The following BTBD8 variants were observed in gnomAD, a reference collection of about 807,000 sequenced individuals.
BTBD8 encodes the protein BTB domain containing 8, also known as BTB/POZ domain-containing protein 8.
Under a neutral mutation model 162.9 loss-of-function variants are expected in BTBD8, and 110 were observed. The observed-to-expected ratio is 0.68, with a 90% CI of 0.58 to 0.79. BTBD8 has a LOEUF of 0.79. BTBD8 is among the 30% of genes least tolerant of loss of function. The pLI is 0.00. For synonymous variants in BTBD8, 667 were observed against 716.1 expected, an observed-to-expected ratio of 0.93 and a Z score of 1.10; for missense variants, 1,905 against 2,085.4, an observed-to-expected ratio of 0.91 and a Z score of 1.68.
chr1:92,110,575 T>C (rs1648861038), intron 4 of BTBD8, among the ~76,000 whole-genome samples: 1 of 152,202 alleles, frequency 6.6e-6, no homozygotes, highest in African/African-American at 2.4e-5. Context: ...CTGCCTGAAA[T>C]GCTCTCAGTT....
At chr1:92,091,471 A>G (rs952526674) in intron 2 of BTBD8, among the ~76,000 whole-genome samples, 2 of 151,138 alleles carry the variant, frequency 1.3e-5, no homozygotes, top group African/African-American at 4.9e-5. Context: ...GTGTATGTGT[A>G]TGTGTGTGTG....
rs947786121 is a variant in BTBD8, at chr1:92,147,722, G to A, written c.1058G>A (p.Arg353Lys). Residue 353 changes from arginine to lysine, a missense_variant, in exon 9 of 18, where the codon AGA becomes AAA. Arg to Lys is a conservative substitution (Grantham distance 26, BLOSUM62 2). Coordinates refer to ENST00000636805, the MANE Select transcript of BTBD8 (RefSeq NM_001376131.1). ...VKHFARFWSE[R>K]SFANIPPEIQ... ...CATTTTGCAAGGTTTTGGTCTGAGA[G>A]AAGCTTTGCAAATATACCTCCTGAG... The A allele has an allele frequency of 6.2e-7, 1 of 1,613,414 alleles. No individual in the cohort carries two copies. Among genetic ancestry groups the A allele is most frequent in the Non-Finnish European group, 8.5e-7 (1 of 1,179,852 alleles).
intron 3 of BTBD8, among the ~76,000 whole-genome samples, chr1:92,104,131 C>T (rs765229944): frequency 4.2e-4 from 64 of 152,202 alleles, no homozygotes; most frequent in Non-Finnish European, 8.1e-4. Context: ...ATGTTATGCT[C>T]AAATTGTTCC....
At position 92,177,411 on chromosome 1, in the gene BTBD8, A is replaced by C. The variant is rs1309307290; in HGVS notation, c.2218A>C (p.Thr740Pro). 1.3e-6 allele frequency: 2 copies of C among 1,551,748 alleles called. No homozygotes were observed. The highest frequency in any genetic ancestry group is 1.7e-6 in the Non-Finnish European group (2 of 1,147,008). ...TTCAAGTATGGAATTCTCAATTTCC[A>C]CTGAATGTCTGGATGAACCGAAAGA... ...TDSSMEFSIS[T>P]ECLDEPKENG... Residue 740 changes from threonine (T) to proline (P), a missense_variant, in exon 14 of 18, where the codon ACT (threonine) becomes CCT (proline). Physicochemically the swap from Thr to Pro is conservative, Grantham distance 38. Around this residue, in one of 3 missense-constraint regions of BTBD8, gnomAD observed 1,374 missense variants for 1,442.7 expected, o/e 0.95. Coordinates refer to ENST00000636805, the MANE Select transcript of BTBD8 (RefSeq NM_001376131.1).
chr1:92,137,271 T>C (rs573349343), intron 5 of BTBD8, among the ~76,000 whole-genome samples: 1 of 152,288 alleles, frequency 6.6e-6, no homozygotes, highest in Admixed American at 6.5e-5. Flanking sequence ...GGATACTATA[T>C]CGTATATTCA....
intron 4 of BTBD8, among the ~76,000 whole-genome samples, chr1:92,118,512 G>T (rs1649104334): frequency 6.6e-6 from 1 of 151,588 alleles, no homozygotes; most frequent in Admixed American, 6.6e-5. Context: ...TGATGACCTT[G>T]TTTTCATCTG....
rs147407284 is a variant in BTBD8, at chr1:92,146,445, A to G, written c.931-735A>G. ...GGTACCTTTGTTACAACCAATGAGC[A>G]TACAGTTACACATTATCATCCAAAA... On this transcript the variant is annotated intron_variant, in intron 7 of 17. Transcript: ENST00000636805. Among the ~76,000 whole-genome samples the G allele has an allele frequency of 1.8e-3, 268 of 152,358 alleles. 3 individuals are homozygous for G. Among genetic ancestry groups the G allele is most frequent in the African/African-American group, 5.9e-3 (245 of 41,586 alleles).
chr1:92,095,040 G>A (rs1051793997), intron 2 of BTBD8, among the ~76,000 whole-genome samples: 2 of 152,124 alleles, frequency 1.3e-5, no homozygotes, highest in African/African-American at 4.8e-5. Flanking sequence ...TGATGGGGTT[G>A]GGGGAAAAGA....
intron 9 of BTBD8, among the ~76,000 whole-genome samples, chr1:92,149,868 T>C (rs1327137470): frequency 6.6e-6 from 1 of 152,188 alleles, no homozygotes; most frequent in Admixed American, 6.5e-5. Flanking sequence ...CTGGAGGCAG[T>C]AAGACTGACA....
chr1:92,154,098 C>T (rs1200525786), intron 9 of BTBD8, among the ~76,000 whole-genome samples: 10 of 152,262 alleles, frequency 6.6e-5, no homozygotes, highest in Admixed American at 6.5e-4. Flanking sequence ...TGCTCCCTCT[C>T]TCACCATGTG....
chr1:92,120,552 A>G (rs1449619065), intron 4 of BTBD8, among the ~76,000 whole-genome samples: 2 of 152,230 alleles, frequency 1.3e-5, no homozygotes, highest in East Asian at 3.8e-4. Context: ...TACTGTACAT[A>G]ATTGTATATG....
intron 1 of BTBD8, among the ~76,000 whole-genome samples, chr1:92,087,804 G>A (rs918341803): frequency 1.3e-5 from 2 of 152,138 alleles, no homozygotes; most frequent in African/African-American, 4.8e-5. Context: ...CTCCTGTAGT[G>A]TACTGGTATT....
rs532698085 is a variant in BTBD8, at chr1:92,127,480, T to C, written c.663-2207T>C. On this transcript the variant is annotated intron_variant, in intron 4 of 17. Coordinates refer to ENST00000636805, the MANE Select transcript of BTBD8 (RefSeq NM_001376131.1). ...GAGGTGATATTGCTAAAGGGAGAAG[T>C]GTCAAGCTGACAAAGTTCAGTGTCT... 3.3e-5 allele frequency among the ~76,000 whole-genome samples: 5 copies of C among 152,238 alleles called. No individual in the cohort carries two copies. The South Asian group carries it at 1.0e-3, about 32-fold the overall frequency.
intron 9 of BTBD8, among the ~76,000 whole-genome samples, chr1:92,166,617 T>C (rs943196548): frequency 1.3e-5 from 2 of 151,448 alleles, no homozygotes; most frequent in African/African-American, 4.8e-5. Context: ...TAGAAGTGGG[T>C]TTTCACCATG....
In BTBD8 at chr1:92,167,964, C is replaced by T. The variant is rs1210240665; in HGVS notation, c.1422C>T (p.Asn474=). The T allele has an allele frequency of 6.5e-7, 1 of 1,548,078 alleles. No homozygotes were observed. Among genetic ancestry groups the T allele is most frequent in the East Asian group, 2.4e-5 (1 of 40,820 alleles). The change falls in exon 11 of 18, where the codon AAC becomes AAT. Residue 474 remains asparagine, a synonymous_variant. Transcript: ENST00000636805. ...SLLMALDTLL[N]SDSTKEMGFT... is the part of the protein sequence containing the mutation. ...TTATGGCTCTGGACACACTGCTGAA[C>T]TCTGACAGTACAAAGGAAATGGTAC...
intron 12 of BTBD8, 53 bp from the exon 13 acceptor site, chr1:92,171,346 C>G: frequency 7.6e-7 from 1 of 1,312,852 alleles, no homozygotes; most frequent in Non-Finnish European, 1.1e-6. Context: ...TCCTTTACTT[C>G]TAAGGTAATA....
chr1:92,130,101 G>C (rs758390543), intron 5 of BTBD8, among the ~76,000 whole-genome samples: 4 of 152,140 alleles, frequency 2.6e-5, no homozygotes, highest in Admixed American at 6.5e-5. Context: ...TCTGCCCCTG[G>C]GTTGCATTCT....
rs532300422 is a variant in BTBD8 at position 92,119,483 on chromosome 1, C to G, written c.663-10204C>G. Among the ~76,000 whole-genome samples the G allele has an allele frequency of 5.2e-4, 79 of 151,788 alleles. No individual in the cohort carries two copies. In the South Asian group the frequency reaches 0.014, roughly 27 times the overall value. On this transcript the variant is annotated intron_variant, in intron 4 of 17. Coordinates refer to ENST00000636805, the MANE Select transcript of BTBD8 (RefSeq NM_001376131.1). ...GTATTTTTTGTAGAGACAAGTTCTT[C>G]CTGCGCTGGCCAGGCCAGTTTCACA...
At chr1:92,156,223 AATT>A (rs1650156103) in intron 9 of BTBD8, among the ~76,000 whole-genome samples, 1 of 152,208 alleles carries the variant, frequency 6.6e-6, no homozygotes, top group African/African-American at 2.4e-5. Context: ...GGGTTGCATT[AATT>A]GATTTACATA....
Sources: allele counts gnomAD v4.1 joint callset (sites outside exome capture counted in the v4.1 genomes callset), GRCh38; gene constraint gnomAD v4.1.1; regional missense constraint gnomAD v4.1.1; transcripts MANE v1.5; gene names NCBI Gene and HGNC (gene_info 2026-07-23, HGNC 2026-07-21).